FCRL5: variants seen among roughly 807,000 people sequenced by gnomAD.
The protein encoded by FCRL5 is Fc receptor-like protein 5.
A neutral mutation model predicts 92.1 loss-of-function variants in FCRL5; 79 were observed. The observed-to-expected ratio is 0.86, with a 90% CI of 0.72 to 1.03. The LOEUF is 1.03. Among genes scored for constraint, FCRL5 ranks in the 50% least tolerant of loss-of-function variants. The pLI, the probability that FCRL5 is intolerant of heterozygous loss-of-function variation, is 0.00. For synonymous variants in FCRL5, 466 were observed against 469.3 expected, an observed-to-expected ratio of 0.99 and a Z score of 0.09; for missense variants, 1,160 against 1,181.1, an observed-to-expected ratio of 0.98 and a Z score of 0.26.
At chr1:157,537,444 C>A (rs975042612) in intron 7 of FCRL5, among the ~76,000 whole-genome samples, 2 of 152,156 alleles carry the variant, frequency 1.3e-5, no homozygotes, top group African/African-American at 2.4e-5. Context: ...GCTCTCAAAA[C>A]CCTGTCTCCT....
In FCRL5 at chr1:157,523,442, T is replaced by C. The variant is rs564328791; in HGVS notation, c.2239+837A>G. Among the ~76,000 whole-genome samples, 24 of 152,312 alleles carry C rather than the reference T, an allele frequency of 1.6e-4. No individual in the cohort carries two copies. In the South Asian group the frequency reaches 4.6e-3, roughly 29 times the overall value. ...CACTTTGTGGGTGTGGAAATTGAGG[T>C]CAGTATGGGAAGAGGTGCTTGGCCA... On this transcript the variant is annotated intron_variant, in intron 10 of 16. Coordinates refer to ENST00000361835, the MANE Select transcript of FCRL5 (RefSeq NM_031281.3).
chr1:157,552,256 G>A, intron 1 of FCRL5, 76 bp downstream of exon 1: 1 of 1,461,346 alleles, frequency 6.8e-7, no homozygotes, highest in East Asian at 2.3e-5. Context: ...TGAGCCCCAA[G>A]AAAGGACCAG....
rs1649918457 is a variant in FCRL5, at chr1:157,516,067, C to T, written c.2813-194G>A. The T allele has an allele frequency of 1.8e-5, 12 of 666,116 alleles. No homozygotes were observed. In the South Asian group the frequency reaches 2.1e-4, roughly 12 times the overall value. The allele number at this position is 666,116 out of a possible 1,614,324, so 41.3% of individuals were successfully genotyped here. The stretch of plus-strand genomic sequence containing the variant: ...CCCTCAGCCTCTCAGCACTGACAGA[C>T]CCTCTCTTCAACTCCCCTTCACACT... On this transcript the variant is annotated intron_variant, in intron 15 of 16. Transcript: ENST00000361835.
chr1:157,543,273 A>T (rs935748279), intron 5 of FCRL5, 136 bp from the exon 6 acceptor site: 1 of 786,170 alleles, frequency 1.3e-6, no homozygotes, highest in African/African-American at 1.7e-5. Flanking sequence ...CCTTACCTGC[A>T]CCTGCTTCTT....
At chr1:157,543,859 T>G (rs975792017) in intron 5 of FCRL5, among the ~76,000 whole-genome samples, 1 of 152,154 alleles carries the variant, frequency 6.6e-6, no homozygotes, top group African/African-American at 2.4e-5. Context: ...CTTTGTATCC[T>G]ACAGAAATTT....
chr1:157,515,830 G>A lies in FCRL5; in HGVS notation c.2844+12C>T. 6.2e-7 allele frequency: 1 copy of A among 1,614,110 alleles called. No individual in the cohort carries two copies. The highest frequency in any genetic ancestry group is 8.5e-7 in the Non-Finnish European group (1 of 1,180,014). The stretch of plus-strand genomic sequence containing the variant: ...TGGGGGTGGGGGAGGGCATGCAGAA[G>A]GGGAGACTCACCTTGTTCCTGAGAT... On this transcript the variant is annotated intron_variant, in intron 16 of 16. Coordinates refer to ENST00000361835, the MANE Select transcript of FCRL5 (RefSeq NM_031281.3).
At chr1:157,520,708 G>A in intron 11 of FCRL5, 161 bp from the exon 12 acceptor site, 2 of 642,366 alleles carry the variant, frequency 3.1e-6, no homozygotes, top group Non-Finnish European at 5.5e-6. Context: ...CTGTCTTTGT[G>A]AGGAAGCCGT....
chr1:157,528,994 A>C (rs1279237291), intron 8 of FCRL5, among the ~76,000 whole-genome samples: 2 of 152,260 alleles, frequency 1.3e-5, no homozygotes, highest in African/African-American at 4.8e-5. Context: ...TCTGCACAGC[A>C]AAAGAAATAA....
chr1:157,518,659 G>A, intron 14 of FCRL5, 41 bp downstream of exon 14: 2 of 1,574,040 alleles, frequency 1.3e-6, no homozygotes, highest in East Asian at 2.2e-5. Flanking sequence ...TCCCACACCA[G>A]CCCTCCAGCT....
chr1:157,529,012 A>G (rs78971009), intron 8 of FCRL5, among the ~76,000 whole-genome samples: 98 of 152,376 alleles, frequency 6.4e-4, no homozygotes, highest in African/African-American at 2.3e-3. Context: ...TAATCAGCAG[A>G]GTAAACAGAC....
intron 9 of FCRL5, among the ~76,000 whole-genome samples, chr1:157,526,862 A>T (rs1398056205): frequency 6.6e-6 from 1 of 152,058 alleles, no homozygotes; most frequent in Admixed American, 6.5e-5. Flanking sequence ...TAAGGGCTTA[A>T]AATTGTCCTT....
intron 15 of FCRL5, among the ~76,000 whole-genome samples, chr1:157,516,850 C>A (rs921956923): frequency 1.3e-4 from 20 of 152,160 alleles, no homozygotes; most frequent in African/African-American, 4.8e-4. Context: ...AGATTTCAGG[C>A]AAGTCATTTA....
chr1:157,552,295 A>G, intron 1 of FCRL5, 37 bp downstream of exon 1: 1 of 1,610,958 alleles, frequency 6.2e-7, no homozygotes, highest in East Asian at 2.2e-5. Context: ...AGCTGTCCCG[A>G]TCCCACCCAG....
intron 3 of FCRL5, chr1:157,546,154 A>G: frequency 2.9e-6 from 1 of 350,110 alleles, no homozygotes; most frequent in South Asian, 2.2e-5. Flanking sequence ...GTGACTTAAA[A>G]CTATACATAG....
intron 8 of FCRL5, chr1:157,532,949 T>G (rs1283171664): frequency 6.6e-6 from 1 of 152,214 alleles, no homozygotes; most frequent in Non-Finnish European, 1.5e-5. Flanking sequence ...AATCCCTGTA[T>G]TTTTGACAAT....
chr1:157,543,257 A>G, intron 5 of FCRL5, 120 bp from the exon 6 acceptor site: 1 of 932,166 alleles, frequency 1.1e-6, no homozygotes, highest in Non-Finnish European at 1.6e-6. Flanking sequence ...CATCAGAACC[A>G]CACACCCTTA....
At chr1:157,539,001 A>G in intron 7 of FCRL5, 85 bp downstream of exon 7, 1 of 1,406,230 alleles carries the variant, frequency 7.1e-7, no homozygotes, top group Non-Finnish European at 9.8e-7. Flanking sequence ...AGAGGATACT[A>G]GAAGGTACAC....
rs1479815136 is a variant in FCRL5 at position 157,547,452 on chromosome 1, A to G, written c.53-255T>C. On this transcript the variant is annotated intron_variant, in intron 2 of 16. Coordinates refer to ENST00000361835, the MANE Select transcript of FCRL5 (RefSeq NM_031281.3). Reference sequence around the variant, plus strand: ...AGCAGGATTCGCCATCAAATATCACAGTTAGGTAGCCTTACATGGAAGTGG... The same window carrying G: ...AGCAGGATTCGCCATCAAATATCACGGTTAGGTAGCCTTACATGGAAGTGG... The G allele has an allele frequency of 5.9e-6, 4 of 672,290 alleles. No individual in the cohort carries two copies. In the African/African-American group the frequency reaches 7.0e-5, roughly 12 times the overall value. The allele number at this position is 672,290 out of a possible 1,614,324, so 41.6% of individuals were successfully genotyped here. A position where few individuals can be genotyped will look rare whatever the true frequency, so the allele number is the denominator to read the frequency against.
rs554600950 is a variant in FCRL5, at chr1:157,520,969, G to A, written c.2515+48C>T. ...CTGTGAGGGTTATCAGAGGGTCCGC[G>A]GAGGAAACATTTTGTCCGCATCTGT... On this transcript the variant is annotated intron_variant, in intron 11 of 16. Coordinates refer to ENST00000361835, the MANE Select transcript of FCRL5 (RefSeq NM_031281.3). The A allele has an allele frequency of 3.9e-5, 61 of 1,558,080 alleles. No individual in the cohort carries two copies. In the South Asian group the frequency reaches 7.1e-4, roughly 18 times the overall value.
Sources: gnomAD v4.1 joint callset for allele counts (sites outside exome capture counted in the v4.1 genomes callset) on GRCh38, gnomAD v4.1.1 for gene constraint, MANE v1.5 for transcripts, NCBI Gene and HGNC (gene_info 2026-07-23, HGNC 2026-07-21) for gene names.